SYT7: variants seen among roughly 807,000 people sequenced by gnomAD.
SYT7 encodes the protein synaptotagmin 7, also known as synaptotagmin-7.
In SYT7, 29 loss-of-function variants were observed where a neutral mutation model predicts 75.1. The observed-to-expected ratio is 0.39, with a 90% CI of 0.29 to 0.53. The LOEUF (loss-of-function observed/expected upper bound fraction) is 0.53. Among genes scored for constraint, SYT7 ranks in the 20% least tolerant of loss-of-function variants. The pLI is 0.77. For missense variants in SYT7, 693 were observed against 953.2 expected (o/e 0.73, Z 3.59); for synonymous variants, 376 against 401.7 (o/e 0.94, Z 0.76).
In SYT7 at chr11:61,517,596, G is replaced by T; in HGVS notation, c.*1031C>A. The T allele has an allele frequency of 2.5e-6, 1 of 399,670 alleles. No individual in the cohort carries two copies. Among genetic ancestry groups the T allele is most frequent in the Non-Finnish European group, 4.4e-6 (1 of 226,704 alleles). 24.8% of individuals were successfully genotyped at this position (399,670 alleles called of 1,614,324 possible). ...TGAGGAAGGGCAGGCAAGCTGGAAA[G>T]CATGGAGAATAGGGCAGATGTGGCT... On this transcript the variant is annotated 3_prime_UTR_variant, in exon 13 of 13. Coordinates refer to ENST00000539008, the MANE Select transcript of SYT7 (RefSeq NM_001365809.2).
intron 3 of SYT7, among the ~76,000 whole-genome samples, chr11:61,548,692 C>A (rs1221305146): frequency 1.3e-5 from 2 of 152,204 alleles, no homozygotes; most frequent in Non-Finnish European, 2.9e-5. Context: ...CAGGATCAAG[C>A]AAACATGTTC....
chr11:61,524,682 A>C lies in SYT7; in HGVS notation c.1472-150T>G. The C allele has an allele frequency of 1.5e-6, 1 of 661,890 alleles. No homozygotes were observed. Among genetic ancestry groups the C allele is most frequent in the Non-Finnish European group, 2.5e-6 (1 of 401,350 alleles). 41.0% of individuals were successfully genotyped at this position (661,890 alleles called of 1,614,324 possible). ...AGCAGGCACACCGGATTGCAATTAG[A>C]CCTTACTGAAGTGCTAGCAAGAACT... is the stretch of plus-strand genomic sequence containing the variant. On this transcript the variant is annotated intron_variant, in intron 9 of 12. Coordinates refer to ENST00000539008, the MANE Select transcript of SYT7 (RefSeq NM_001365809.2). The surrounding 1 kb of genome is among the most constrained non-coding windows in gnomAD (Gnocchi z 4.1).
chr11:61,576,185 C>G lies in SYT7; in HGVS notation c.31+4605G>C, dbSNP rs1452356548. On this transcript the variant is annotated intron_variant, in intron 1 of 12. Coordinates refer to ENST00000539008, the MANE Select transcript of SYT7 (RefSeq NM_001365809.2). The surrounding 1 kb of genome is among the most constrained non-coding windows in gnomAD (Gnocchi z 4.1). ...CCTTGGGGAATTCTGCTGGGTGAGA[C>G]CAAAGCCCTGCCCTGCAGACACTAG... Among the ~76,000 whole-genome samples, 1 of 152,238 alleles carries G rather than the reference C, an allele frequency of 6.6e-6. No homozygotes were observed. The highest frequency in any genetic ancestry group is 1.5e-5 in the Non-Finnish European group (1 of 68,034).
chr11:61,580,662 C>T lies in SYT7; in HGVS notation c.31+128G>A. Reference sequence around the variant, plus strand: ...TCCCGCGCCCCCGGGGCTGGGATGACCCCTGGGGGAGCCCGTGCGGCTCCG... The same window carrying T: ...TCCCGCGCCCCCGGGGCTGGGATGATCCCTGGGGGAGCCCGTGCGGCTCCG... On this transcript the variant is annotated intron_variant, in intron 1 of 12. Coordinates refer to ENST00000539008, the MANE Select transcript of SYT7 (RefSeq NM_001365809.2). This position sits in a 1 kb window ranked among gnomAD's most constrained non-coding sequence, Gnocchi z 6.1. 2 of 565,362 alleles carry T rather than the reference C, an allele frequency of 3.5e-6. No individual in the cohort carries two copies. Among genetic ancestry groups the T allele is most frequent in the Non-Finnish European group, 5.1e-6 (2 of 394,820 alleles). 35.0% of individuals were successfully genotyped at this position (565,362 alleles called of 1,614,324 possible).
At chr11:61,534,809 G>GCACACATGGACATGTGGA (rs1471833718) in intron 7 of SYT7, among the ~76,000 whole-genome samples, 12 of 151,218 alleles carry the variant, frequency 7.9e-5, no homozygotes, top group Admixed American at 2.0e-4. Context: ...GAGGGCCATG[G>GCACACATGGACATGTGGA]CACACATGGA....
At position 61,523,147 on chromosome 11, in the gene SYT7, C is replaced by T; in HGVS notation, c.1884G>A (p.Lys628=). The change falls in exon 12 of 13, where the codon AAG becomes AAA. Residue 628 remains lysine, a synonymous_variant. Transcript: ENST00000539008. The surrounding 1 kb of genome is among the most constrained non-coding windows in gnomAD (Gnocchi z 5.0). ...ESFAFDIPTE[K]LRETTIIITV... is the part of the protein sequence containing the mutation. ...TGATGATGATGGTCGTCTCCCTCAGCTTCTCCGTGGGGATATCGAAGGCGA... is the reference window on the plus strand; with the variant it reads ...TGATGATGATGGTCGTCTCCCTCAGTTTCTCCGTGGGGATATCGAAGGCGA... 6.2e-7 allele frequency: 1 copy of T among 1,614,250 alleles called. No individual in the cohort carries two copies. The highest frequency in any genetic ancestry group is 8.5e-7 in the Non-Finnish European group (1 of 1,180,040).
chr11:61,517,476 C>A lies in SYT7; in HGVS notation c.*1151G>T. Reference sequence around the variant, plus strand: ...TCAGGTGATGGACGATCAGAGACCACGCACGATGAGACGGAATGAATGGAA... The same window carrying A: ...TCAGGTGATGGACGATCAGAGACCAAGCACGATGAGACGGAATGAATGGAA... On this transcript the variant is annotated 3_prime_UTR_variant, in exon 13 of 13. Transcript: ENST00000539008. The A allele has an allele frequency of 2.5e-6, 1 of 398,714 alleles. No individual in the cohort carries two copies. Among genetic ancestry groups the A allele is most frequent in the African/African-American group, 2.1e-5 (1 of 48,614 alleles). The allele number at this position is 398,714 out of a possible 1,614,324, so 24.7% of individuals were successfully genotyped here.
Position 61,551,665 on chromosome 11 carries a change from C to T in SYT7, c.136-202G>A, listed in dbSNP as rs377349714. On this transcript the variant is annotated intron_variant, in intron 2 of 12. Coordinates refer to ENST00000539008, the MANE Select transcript of SYT7 (RefSeq NM_001365809.2). The surrounding 1 kb of genome is among the most constrained non-coding windows in gnomAD (Gnocchi z 5.3). ...CCGGTTGGCAGCTCCTGGGCCCCAT[C>T]GGGCTCTAGGACCTGCCCCACCCAC... Among the ~76,000 whole-genome samples, 40 of 152,266 alleles carry T rather than the reference C, an allele frequency of 2.6e-4. No individual in the cohort carries two copies. Among genetic ancestry groups the T allele is most frequent in the African/African-American group, 4.8e-4 (20 of 41,556 alleles).
chr11:61,578,646 C>G (rs1327975306), intron 1 of SYT7, among the ~76,000 whole-genome samples: 1 of 152,136 alleles, frequency 6.6e-6, no homozygotes, highest in East Asian at 1.9e-4. Context: ...ATAGAGCCTA[C>G]AAAGGTGGGC....
chr11:61,556,562 A>T lies in SYT7; in HGVS notation c.32-355T>A, dbSNP rs1239985644. Among the ~76,000 whole-genome samples, 4 of 152,334 alleles carry T rather than the reference A, an allele frequency of 2.6e-5. No individual in the cohort carries two copies. The South Asian group carries it at 8.3e-4, about 32-fold the overall frequency. On this transcript the variant is annotated intron_variant, in intron 1 of 12. Coordinates refer to ENST00000539008, the MANE Select transcript of SYT7 (RefSeq NM_001365809.2). ...CAGTTCAGCCAGACTTCACCCGTCC[A>T]TCAAATCCCTCCACAGGCCACTGCT...
Position 61,580,978 on chromosome 11 carries a change from G to C in SYT7, c.-158C>G, listed in dbSNP as rs2064250808. 2.0e-6 allele frequency: 2 copies of C among 977,856 alleles called. No individual in the cohort carries two copies. 60.6% of individuals were successfully genotyped at this position (977,856 alleles called of 1,614,324 possible). On this transcript the variant is annotated 5_prime_UTR_variant, in exon 1 of 13. Transcript: ENST00000539008. This position sits in a 1 kb window ranked among gnomAD's most constrained non-coding sequence, Gnocchi z 6.1. ...CACCTAGCCGCGGAGCCGGGGAGCG[G>C]GGGCCGCCCGCCAGCCCTCCCGCCC...
Position 61,542,168 on chromosome 11 carries a change from G to T in SYT7, c.941+43C>A. 3 of 1,518,024 alleles carry T rather than the reference G, an allele frequency of 2.0e-6. No homozygotes were observed. The highest frequency in any genetic ancestry group is 1.2e-5 in the South Asian group (1 of 81,686). The allele number at this position is 1,518,024 out of a possible 1,614,324, so 94.0% of individuals were successfully genotyped here. ...AGGAGATCTGGGGGGCAGGAGGCTG[G>T]GTCAGGGAGGTGGGGGCCGGCCCGC... On this transcript the variant is annotated intron_variant, in intron 6 of 12. Coordinates refer to ENST00000539008, the MANE Select transcript of SYT7 (RefSeq NM_001365809.2). This position sits in a 1 kb window ranked among gnomAD's most constrained non-coding sequence, Gnocchi z 7.8.
At chr11:61,534,473 A>C (rs896010303) in intron 7 of SYT7, among the ~76,000 whole-genome samples, 1 of 151,008 alleles carries the variant, frequency 6.6e-6, no homozygotes, top group Admixed American at 6.6e-5. Context: ...GCATATGTAC[A>C]CACACACATG....
rs1316839893 is a variant in SYT7, at chr11:61,580,059, C to T, written c.31+731G>A. Among the ~76,000 whole-genome samples, 2 of 152,148 alleles carry T rather than the reference C, an allele frequency of 1.3e-5. No individual in the cohort carries two copies. Among genetic ancestry groups the T allele is most frequent in the Non-Finnish European group, 2.9e-5 (2 of 68,014 alleles). On this transcript the variant is annotated intron_variant, in intron 1 of 12. Transcript: ENST00000539008. This position sits in a 1 kb window ranked among gnomAD's most constrained non-coding sequence, Gnocchi z 6.1. ...AAGCAGACAGTGGGCTCCCAGGCCA[C>T]TCCCCTGGCGGGCGAAGCAGAAGGC... is the stretch of plus-strand genomic sequence containing the variant.
chr11:61,518,591 TG>T lies in SYT7; in HGVS notation c.*35del. The T allele has an allele frequency of 6.9e-7, 1 of 1,459,786 alleles. No homozygotes were observed. Among genetic ancestry groups the T allele is most frequent in the Non-Finnish European group, 9.3e-7 (1 of 1,079,496 alleles). 90.4% of individuals were successfully genotyped at this position (1,459,786 alleles called of 1,614,324 possible). On this transcript the variant is annotated 3_prime_UTR_variant, in exon 13 of 13. Transcript: ENST00000539008. ...AAGTGGTGAGGGCATGATGGGGACC[TG>T]GGCCCTCGGCCCCCTGGGCCTCCCT...
chr11:61,533,975 C>T (rs777382207), intron 7 of SYT7, among the ~76,000 whole-genome samples: 1 of 152,096 alleles, frequency 6.6e-6, no homozygotes, highest in Non-Finnish European at 1.5e-5. Context: ...CTGTACCTGA[C>T]TCCATGCCGT....
At chr11:61,557,208 G>C (rs1370201744) in intron 1 of SYT7, among the ~76,000 whole-genome samples, 1 of 152,240 alleles carries the variant, frequency 6.6e-6, no homozygotes, top group Non-Finnish European at 1.5e-5. Flanking sequence ...GGGGCAGTGA[G>C]TGGAGACCCG....
Position 61,580,102 on chromosome 11 carries a change from C to A in SYT7, c.31+688G>T, listed in dbSNP as rs1380077586. Among the ~76,000 whole-genome samples, 2 of 152,026 alleles carry A rather than the reference C, an allele frequency of 1.3e-5. No homozygotes were observed. Among genetic ancestry groups the A allele is most frequent in the Admixed American group, 1.3e-4 (2 of 15,280 alleles). On this transcript the variant is annotated intron_variant, in intron 1 of 12. Coordinates refer to ENST00000539008, the MANE Select transcript of SYT7 (RefSeq NM_001365809.2). The surrounding 1 kb of genome is among the most constrained non-coding windows in gnomAD (Gnocchi z 6.1). ...CAGAAGGCAAAGGAGTTCGGCCCTCCCCCACCCCAGGACGGGAGAGAGTTT... is the reference window on the plus strand; with the variant it reads ...CAGAAGGCAAAGGAGTTCGGCCCTCACCCACCCCAGGACGGGAGAGAGTTT...
At chr11:61,549,233 A>G (rs2063279248) in intron 3 of SYT7, among the ~76,000 whole-genome samples, 1 of 152,196 alleles carries the variant, frequency 6.6e-6, no homozygotes, top group Non-Finnish European at 1.5e-5. Context: ...TGTGTTCTGA[A>G]GAGCTCCAGG....
Sources: gnomAD v4.1 joint callset for allele counts (sites outside exome capture counted in the v4.1 genomes callset) on GRCh38, gnomAD v4.1.1 for gene constraint, Gnocchi (gnomAD v3.1) non-coding constraint, MANE v1.5 for transcripts, NCBI Gene and HGNC (gene_info 2026-07-23, HGNC 2026-07-21) for gene names.